VAV2: variants seen among roughly 807,000 people sequenced by gnomAD.
VAV2 encodes vav guanine nucleotide exchange factor 2.
VAV2 carries 67 observed loss-of-function variants against 132.5 expected under a neutral mutation model. The observed-to-expected ratio is 0.51, with a 90% CI of 0.42 to 0.62. The LOEUF (loss-of-function observed/expected upper bound fraction) is 0.62, where lower values mean the gene tolerates loss of function less well. Among genes scored for constraint, VAV2 ranks in the 20% least tolerant of loss-of-function variants. VAV2 has a pLI of 0.00. For synonymous variants in VAV2, 492 were observed against 443.5 expected, an observed-to-expected ratio of 1.11 and a Z score of -1.37; for missense variants, 938 against 1,153.6, an observed-to-expected ratio of 0.81 and a Z score of 2.71.
chr9:133,934,749 G>A (rs1017179058), intron 2 of VAV2, among the ~76,000 whole-genome samples: 2 of 152,132 alleles, frequency 1.3e-5, no homozygotes, highest in African/African-American at 2.4e-5. Flanking sequence ...CCCGTTCCTG[G>A]GTCTCCACCT....
intron 2 of VAV2, among the ~76,000 whole-genome samples, chr9:133,876,338 C>T (rs1564427454): frequency 1.3e-5 from 2 of 152,258 alleles, no homozygotes; most frequent in African/African-American, 4.8e-5. Flanking sequence ...GCACCACTGA[C>T]CGCTGCCAGC....
intron 9 of VAV2, among the ~76,000 whole-genome samples, chr9:133,801,194 G>A (rs1028772443): frequency 1.3e-5 from 2 of 152,236 alleles, no homozygotes; most frequent in African/African-American, 4.8e-5. Context: ...GGAGGTTGGG[G>A]GTGGGGGGAA....
intron 3 of VAV2, among the ~76,000 whole-genome samples, chr9:133,847,598 C>T (rs1042883608): frequency 2.0e-5 from 3 of 152,170 alleles, no homozygotes; most frequent in Non-Finnish European, 2.9e-5. Flanking sequence ...ATACTGGGCC[C>T]GGAACCCTGG....
In VAV2 at chr9:133,834,246, T is replaced by C; in HGVS notation, c.449+26A>G. On this transcript the variant is annotated intron_variant, in intron 4 of 29. Transcript: ENST00000371850. The surrounding 1 kb of genome is among the most constrained non-coding windows in gnomAD (Gnocchi z 5.9). ...CCTCCCTGCCCCTCCCTCCTCTCCATCCCTCCTCCCATCCCCCCGCCTTAC... is the reference window on the plus strand; with the variant it reads ...CCTCCCTGCCCCTCCCTCCTCTCCACCCCTCCTCCCATCCCCCCGCCTTAC... The C allele has an allele frequency of 6.7e-7, 1 of 1,493,010 alleles. No homozygotes were observed. The highest frequency in any genetic ancestry group is 1.4e-5 in the African/African-American group (1 of 72,358). 92.5% of individuals were successfully genotyped at this position (1,493,010 alleles called of 1,614,324 possible).
rs1835857759 is a variant in VAV2 at position 133,823,097 on chromosome 9, T to C, written c.450-10881A>G. Among the ~76,000 whole-genome samples the C allele has an allele frequency of 6.6e-6, 1 of 152,158 alleles. No homozygotes were observed. The highest frequency in any genetic ancestry group is 2.4e-5 in the African/African-American group (1 of 41,442). On this transcript the variant is annotated intron_variant, in intron 4 of 29. Coordinates refer to ENST00000371850, the MANE Select transcript of VAV2 (RefSeq NM_001134398.2). The surrounding 1 kb of genome is among the most constrained non-coding windows in gnomAD (Gnocchi z 5.5). ...GACCTATGGCTCAGATCCTCCAGTA[T>C]GGGAATCGTGAATGCTCTCGGGACC...
chr9:133,920,625 C>T (rs1195933410), intron 2 of VAV2, among the ~76,000 whole-genome samples: 2 of 152,188 alleles, frequency 1.3e-5, no homozygotes, highest in African/African-American at 2.4e-5. Context: ...GAGCGCCCCA[C>T]AGACCCATCC....
intron 1 of VAV2, among the ~76,000 whole-genome samples, chr9:133,987,910 G>A (rs1391492117): frequency 6.6e-6 from 1 of 152,214 alleles, no homozygotes; most frequent in Admixed American, 6.5e-5. Flanking sequence ...TGACCAGGTG[G>A]GCAACTGGGA....
intron 23 of VAV2, 71 bp from the exon 24 acceptor site, chr9:133,776,151 T>C (rs774210931): frequency 1.3e-6 from 2 of 1,579,262 alleles, no homozygotes; most frequent in East Asian, 2.3e-5. Flanking sequence ...GAGGGGGTCA[T>C]TGTCAGTGAC....
At chr9:133,908,330 C>T (rs1255765813) in intron 2 of VAV2, among the ~76,000 whole-genome samples, 1 of 152,136 alleles carries the variant, frequency 6.6e-6, no homozygotes, top group African/African-American at 2.4e-5. Flanking sequence ...ACTGAGACTT[C>T]GTTCCCCAGC....
Position 133,788,315 on chromosome 9 carries a change from C to T in VAV2, c.1407+39G>A. On this transcript the variant is annotated intron_variant, in intron 15 of 29. Transcript: ENST00000371850. This position sits in a 1 kb window ranked among gnomAD's most constrained non-coding sequence, Gnocchi z 5.3. Reference sequence around the variant, plus strand: ...CCAGTGCCTCTCTCCAGGCCACCCCCACGTTCCTGGGTAGCAGGGGGGACC... The same window carrying T: ...CCAGTGCCTCTCTCCAGGCCACCCCTACGTTCCTGGGTAGCAGGGGGGACC... 1 of 1,585,790 alleles carries T rather than the reference C, an allele frequency of 6.3e-7. No homozygotes were observed. The highest frequency in any genetic ancestry group is 8.6e-7 in the Non-Finnish European group (1 of 1,156,576).
intron 2 of VAV2, among the ~76,000 whole-genome samples, chr9:133,933,928 A>G (rs145935596): frequency 6.2e-3 from 90 of 14,418 alleles, no homozygotes; most frequent in African/African-American, 0.01. Flanking sequence ...ATGATGGGTG[A>G]ATGGATGGAT....
intron 1 of VAV2, among the ~76,000 whole-genome samples, chr9:133,973,880 T>A (rs1220690428): frequency 6.6e-6 from 1 of 151,416 alleles, no homozygotes; most frequent in South Asian, 2.1e-4. Flanking sequence ...AGCTGACTGC[T>A]GGGAAAGAAC....
In VAV2 at chr9:133,863,379, T is replaced by C. The variant is rs1837674386; in HGVS notation, c.322-1947A>G. 6.6e-6 allele frequency among the ~76,000 whole-genome samples: 1 copy of C among 152,112 alleles called. No homozygotes were observed. Among genetic ancestry groups the C allele is most frequent in the Admixed American group, 6.5e-5 (1 of 15,286 alleles). On this transcript the variant is annotated intron_variant, in intron 2 of 29. Transcript: ENST00000371850. The surrounding 1 kb of genome is among the most constrained non-coding windows in gnomAD (Gnocchi z 5.0). ...TCAGCGCTGACACACAAGAACCTGT[T>C]TGTCAACCTGGAGTCAGCGCAAAGG...
At position 133,834,396 on chromosome 9, in the gene VAV2, G is replaced by A. The variant is rs2131782145; in HGVS notation, c.381-56C>T. 5 of 1,574,304 alleles carry A rather than the reference G, an allele frequency of 3.2e-6. No individual in the cohort carries two copies. Among genetic ancestry groups the A allele is most frequent in the Non-Finnish European group, 4.3e-6 (5 of 1,155,624 alleles). ...CAGGTCCCGGCACTGCCGGCCAGTGGGACCCCAGCTGGACCCCACAGCAGA... is the reference window on the plus strand; with the variant it reads ...CAGGTCCCGGCACTGCCGGCCAGTGAGACCCCAGCTGGACCCCACAGCAGA... On this transcript the variant is annotated intron_variant, in intron 3 of 29. Transcript: ENST00000371850. This position sits in a 1 kb window ranked among gnomAD's most constrained non-coding sequence, Gnocchi z 5.9.
chr9:133,899,309 C>A (rs116981547), intron 2 of VAV2, among the ~76,000 whole-genome samples: 13,367 of 151,792 alleles, frequency 0.088, 703 homozygotes, highest in Admixed American at 0.12. Context: ...GTAACCCCAG[C>A]ACTTTGGGAG....
intron 11 of VAV2, 152 bp from the exon 12 acceptor site, chr9:133,795,888 C>A (rs1834694023): frequency 4.1e-6 from 3 of 740,560 alleles, no homozygotes; most frequent in Non-Finnish European, 6.6e-6. Context: ...CTGCCCGACA[C>A]CAAAGGACAG....
intron 1 of VAV2, among the ~76,000 whole-genome samples, chr9:133,957,680 C>T (rs748423854): frequency 1.4e-4 from 21 of 152,126 alleles, no homozygotes; most frequent in Non-Finnish European, 2.9e-4. Context: ...CACAGCTGGC[C>T]CCACCTCAGC....
chr9:133,856,161 G>T (rs1173333468), intron 3 of VAV2, among the ~76,000 whole-genome samples: 2 of 152,206 alleles, frequency 1.3e-5, no homozygotes, highest in East Asian at 3.9e-4. Context: ...TGCTCATGGC[G>T]ACCGGTTTCT....
rs758370040 is a variant in VAV2, at chr9:133,817,717, CGAGTA to C, written c.450-5506_450-5502del. Reference sequence around the variant, plus strand: ...CAACTTTTTAATCAAGCTGATCCAGCGAGTAGAGTGTTCATTTCAGATATCGTGCT... The same window carrying C: ...CAACTTTTTAATCAAGCTGATCCAGCGAGTGTTCATTTCAGATATCGTGCT... On this transcript the variant is annotated intron_variant, in intron 4 of 29. Transcript: ENST00000371850. 1.8e-4 allele frequency among the ~76,000 whole-genome samples: 28 copies of C among 152,234 alleles called. 1 individual carries two copies. The highest frequency in any genetic ancestry group is 3.3e-4 in the Admixed American group (5 of 15,294).
Sources: allele counts gnomAD v4.1 joint callset (sites outside exome capture counted in the v4.1 genomes callset), GRCh38; gene constraint gnomAD v4.1.1; non-coding constraint Gnocchi (gnomAD v3.1); transcripts MANE v1.5; gene names NCBI Gene and HGNC (gene_info 2026-07-23, HGNC 2026-07-21).